Variants in LRCH3 observed in about 807,000 individuals in gnomAD.
LRCH3 encodes the protein leucine rich repeats and calponin homology domain containing 3, also known as DISP complex protein LRCH3.
A neutral mutation model predicts 104.5 loss-of-function variants in LRCH3; 68 were observed. That is an observed-to-expected ratio of 0.65 (90% CI 0.54 to 0.80). LRCH3 has a LOEUF of 0.80. Among genes scored for constraint, LRCH3 ranks in the 30% least tolerant of loss-of-function variants. The probability of loss-of-function intolerance (pLI) is 0.00; values close to 1 mark genes in which losing one functional copy is unlikely to be tolerated. For missense variants in LRCH3, 951 were observed against 953.9 expected, an observed-to-expected ratio of 1.00 and a Z score of 0.04; for synonymous variants, 344 against 361.3, an observed-to-expected ratio of 0.95 and a Z score of 0.54.
intron 9 of LRCH3, 38 bp from the exon 10 acceptor site, chr3:197,839,283 A>C (rs1271578074): frequency 7.3e-7 from 1 of 1,366,996 alleles, no homozygotes; most frequent in Non-Finnish European, 1.0e-6. Context: ...GTTCTGGATT[A>C]ATATACTAAA....
At chr3:197,867,948 C>T (rs938099454) in intron 17 of LRCH3, among the ~76,000 whole-genome samples, 1 of 152,080 alleles carries the variant, frequency 6.6e-6, no homozygotes, top group Non-Finnish European at 1.5e-5. Context: ...GGATTGAGCC[C>T]AGGAGGTTGA....
chr3:197,843,189 C>T (rs1580764643), intron 10 of LRCH3, among the ~76,000 whole-genome samples: 1 of 151,978 alleles, frequency 6.6e-6, no homozygotes, highest in South Asian at 2.1e-4. Context: ...TGTGTTATAG[C>T]TTCTATAAGA....
At chr3:197,816,582 T>A (rs1419691579) in intron 2 of LRCH3, among the ~76,000 whole-genome samples, 1 of 152,148 alleles carries the variant, frequency 6.6e-6, no homozygotes, top group Non-Finnish European at 1.5e-5. Context: ...GCCCAGCCGA[T>A]AGATGTGTTT....
chr3:197,795,987 G>A (rs545315865), intron 1 of LRCH3, among the ~76,000 whole-genome samples: 2 of 152,030 alleles, frequency 1.3e-5, no homozygotes, highest in East Asian at 1.9e-4. Flanking sequence ...CACCGCACCC[G>A]GCCAGAATTT....
intron 12 of LRCH3, among the ~76,000 whole-genome samples, chr3:197,849,113 A>T (rs2109396056): frequency 6.6e-6 from 1 of 152,216 alleles, no homozygotes; most frequent in East Asian, 1.9e-4. Context: ...AAAATAAAAA[A>T]ATTAGCTGGG....
At chr3:197,851,642 T>C (rs77139657) in intron 12 of LRCH3, among the ~76,000 whole-genome samples, 2,637 of 152,278 alleles carry the variant, frequency 0.017, 103 homozygotes, top group African/African-American at 0.061. Flanking sequence ...CTGTGTGTGA[T>C]ATTTAACTAT....
intron 15 of LRCH3, among the ~76,000 whole-genome samples, chr3:197,860,597 C>A (rs1740759500): frequency 6.8e-6 from 1 of 146,396 alleles, no homozygotes; most frequent in South Asian, 2.1e-4. Flanking sequence ...TGTATCATGT[C>A]CTTTTTTTTT....
chr3:197,845,847 G>T (rs113527999), intron 10 of LRCH3, among the ~76,000 whole-genome samples: 1 of 152,232 alleles, frequency 6.6e-6, no homozygotes. Context: ...GGAGGTTGTG[G>T]TGAGCGAGAT....
chr3:197,858,699 C>T, intron 14 of LRCH3, 135 bp from the exon 15 acceptor site: 1 of 748,414 alleles, frequency 1.3e-6, no homozygotes, highest in Non-Finnish European at 2.4e-6. Flanking sequence ...CCTGCCCTGT[C>T]AGTAGCTTAG....
Position 197,888,081 on chromosome 3 carries a change from A to C in LRCH3, c.*4415A>C, listed in dbSNP as rs919960653. 4 of 152,244 alleles carry C rather than the reference A, an allele frequency of 2.6e-5. No individual in the cohort carries two copies. Among genetic ancestry groups the C allele is most frequent in the African/African-American group, 7.2e-5 (3 of 41,450 alleles). The allele number at this position is 152,244 out of a possible 1,614,324, so 9.4% of individuals were successfully genotyped here. A position where few individuals can be genotyped will look rare whatever the true frequency, so the allele number is the denominator to read the frequency against. On this transcript the variant is annotated 3_prime_UTR_variant, in exon 21 of 21. Coordinates refer to ENST00000425562, the MANE Select transcript of LRCH3 (RefSeq NM_001365715.1). ...GAGTTTGCGATTTCTCTTACTTTCT[A>C]CAGCTCAGCAGTGACTAATGATGTG...
chr3:197,881,553 A>T (rs552283180), intron 20 of LRCH3: 1 of 983,976 alleles, frequency 1.0e-6, no homozygotes, highest in African/African-American at 1.8e-5. Context: ...CCTTCTTAAT[A>T]GTGAAACAGT....
intron 10 of LRCH3, among the ~76,000 whole-genome samples, chr3:197,846,736 G>A (rs1738786930): frequency 6.6e-6 from 1 of 152,034 alleles, no homozygotes; most frequent in African/African-American, 2.4e-5. Flanking sequence ...ACGTCAGACA[G>A]TAACTAATCT....
chr3:197,874,601 C>A (rs957018349), intron 19 of LRCH3, among the ~76,000 whole-genome samples: 79 of 152,206 alleles, frequency 5.2e-4, no homozygotes, highest in African/African-American at 1.8e-3. Context: ...ACCATCCCCC[C>A]CAGCTCCAGC....
Position 197,840,393 on chromosome 3 carries a change from G to T in LRCH3, c.1328+996G>T, listed in dbSNP as rs137945709. Reference sequence around the variant, plus strand: ...AATCGCTTGAACCCAGGAGGCGGAGGTTGCAGTGAGCCGAGATCGCACCAT... The same window carrying T: ...AATCGCTTGAACCCAGGAGGCGGAGTTTGCAGTGAGCCGAGATCGCACCAT... On this transcript the variant is annotated intron_variant, in intron 10 of 20. Coordinates refer to ENST00000425562, the MANE Select transcript of LRCH3 (RefSeq NM_001365715.1). Among the ~76,000 whole-genome samples the T allele has an allele frequency of 3.3e-5, 5 of 152,290 alleles. No individual in the cohort carries two copies. The East Asian group carries it at 9.6e-4, about 29-fold the overall frequency.
chr3:197,879,997 G>C (rs999613408), intron 20 of LRCH3, among the ~76,000 whole-genome samples: 7 of 150,508 alleles, frequency 4.7e-5, no homozygotes, highest in South Asian at 2.1e-4. Context: ...CCAGGCTGGA[G>C]TGCGGTGGCG....
rs377086796 is a variant in LRCH3 at position 197,880,016 on chromosome 3, G to A, written c.2209-3525G>A. The stretch of plus-strand genomic sequence containing the variant: ...GCTGGAGTGCGGTGGCGCGATCTCG[G>A]CTCACTGCAAGCTCCGCCTCCCGGG... On this transcript the variant is annotated intron_variant, in intron 20 of 20. Coordinates refer to ENST00000425562, the MANE Select transcript of LRCH3 (RefSeq NM_001365715.1). Among the ~76,000 whole-genome samples the A allele has an allele frequency of 3.8e-4, 57 of 150,778 alleles. No individual in the cohort carries two copies. The East Asian group carries it at 5.1e-3, about 13-fold the overall frequency.
intron 1 of LRCH3, among the ~76,000 whole-genome samples, chr3:197,800,152 C>T (rs1027980786): frequency 3.3e-5 from 5 of 151,682 alleles, no homozygotes; most frequent in South Asian, 4.2e-4. Flanking sequence ...TCACGCTGAT[C>T]GCACCACTAT....
intron 1 of LRCH3, among the ~76,000 whole-genome samples, chr3:197,809,189 T>C (rs1296510726): frequency 6.7e-6 from 1 of 150,324 alleles, no homozygotes; most frequent in Non-Finnish European, 1.5e-5. Flanking sequence ...TCCCAGCTCC[T>C]CAGGAGACTG....
At position 197,839,584 on chromosome 3, in the gene LRCH3, G is replaced by A. The variant is rs138198316; in HGVS notation, c.1328+187G>A. ...AAAAACTGATTTGATTCTAAATTGA[G>A]ACCATCTAAATCATTACCTACACAG... On this transcript the variant is annotated intron_variant, in intron 10 of 20. Coordinates refer to ENST00000425562, the MANE Select transcript of LRCH3 (RefSeq NM_001365715.1). 1.4e-3 allele frequency among the ~76,000 whole-genome samples: 212 copies of A among 152,264 alleles called. 1 individual carries two copies. The highest frequency in any genetic ancestry group is 4.9e-3 in the African/African-American group (203 of 41,556).
Sources: gnomAD v4.1 joint callset for allele counts (sites outside exome capture counted in the v4.1 genomes callset) on GRCh38, gnomAD v4.1.1 for gene constraint, MANE v1.5 for transcripts, NCBI Gene and HGNC (gene_info 2026-07-23, HGNC 2026-07-21) for gene names.